The following CDK19 variants were observed in gnomAD, a reference collection of about 807,000 sequenced individuals.
CDK19 encodes the protein cyclin dependent kinase 19.
A neutral mutation model predicts 68.3 loss-of-function variants in CDK19; 20 were observed. The ratio of observed to expected loss-of-function variants is 0.29; its 90% CI spans 0.21 to 0.43. CDK19 has a LOEUF of 0.43. Among genes scored for constraint, CDK19 ranks in the 20% least tolerant of loss-of-function variants. The pLI, the probability that CDK19 is intolerant of heterozygous loss-of-function variation, is 1.00. For synonymous variants in CDK19, 221 were observed against 222.8 expected, an observed-to-expected ratio of 0.99 and a Z score of 0.07; for missense variants, 339 against 623.5, an observed-to-expected ratio of 0.54 and a Z score of 4.86.
At chr6:110,718,925 GA>G (rs1340570240) in intron 2 of CDK19, among the ~76,000 whole-genome samples, 1 of 152,076 alleles carries the variant, frequency 6.6e-6, no homozygotes, top group African/African-American at 2.4e-5. Flanking sequence ...TAAAATAATA[GA>G]AAGAAATAGC....
At chr6:110,632,739 C>T (rs893431164) in intron 5 of CDK19, among the ~76,000 whole-genome samples, 2 of 151,860 alleles carry the variant, frequency 1.3e-5, no homozygotes, top group African/African-American at 2.4e-5. Flanking sequence ...CCCTGTCCCC[C>T]AAGAAAGATA....
At chr6:110,774,696 T>C (rs1312849301) in intron 1 of CDK19, among the ~76,000 whole-genome samples, 2 of 152,182 alleles carry the variant, frequency 1.3e-5, no homozygotes, top group African/African-American at 4.8e-5. Context: ...ATGCCTGTAA[T>C]CCCATCACTT....
intron 1 of CDK19, among the ~76,000 whole-genome samples, chr6:110,761,022 G>A (rs1779192779): frequency 6.6e-6 from 1 of 152,172 alleles, no homozygotes; most frequent in African/African-American, 2.4e-5. Context: ...TCAAGTAGGG[G>A]AAAGCAAGTT....
At chr6:110,736,088 T>C (rs560292491) in intron 2 of CDK19, among the ~76,000 whole-genome samples, 1 of 152,316 alleles carries the variant, frequency 6.6e-6, no homozygotes, top group African/African-American at 2.4e-5. Context: ...ACGCCTGTAA[T>C]CCCAGCACTT....
chr6:110,621,001 C>T lies in CDK19; in HGVS notation c.1377+103G>A, dbSNP rs1778675452. The T allele has an allele frequency of 1.8e-6, 2 of 1,092,674 alleles. No homozygotes were observed. Among genetic ancestry groups the T allele is most frequent in the African/African-American group, 1.6e-5 (1 of 63,716 alleles). 67.7% of individuals were successfully genotyped at this position (1,092,674 alleles called of 1,614,324 possible). ...AGAATGCCCTAGAAACAGGATTGCA[C>T]AGTCAAATGTAAGAGTTAAGTGTTA... is the stretch of plus-strand genomic sequence containing the variant. On this transcript the variant is annotated intron_variant, in intron 12 of 12. Coordinates refer to ENST00000368911, the MANE Select transcript of CDK19 (RefSeq NM_015076.5). This position sits in a 1 kb window ranked among gnomAD's most constrained non-coding sequence, Gnocchi z 5.4.
At chr6:110,754,326 C>A (rs1374192239) in intron 1 of CDK19, among the ~76,000 whole-genome samples, 1 of 152,042 alleles carries the variant, frequency 6.6e-6, no homozygotes, top group Non-Finnish European at 1.5e-5. Context: ...AGACATCGCA[C>A]CTGGCCTAAA....
chr6:110,629,648 C>T (rs1451338767), intron 6 of CDK19, among the ~76,000 whole-genome samples: 1 of 152,158 alleles, frequency 6.6e-6, no homozygotes, highest in Non-Finnish European at 1.5e-5. Context: ...GGCACCTTGC[C>T]CGGCCCTAAG....
intron 2 of CDK19, among the ~76,000 whole-genome samples, chr6:110,715,216 T>TG (rs1261948467): frequency 3.9e-5 from 6 of 152,178 alleles, no homozygotes; most frequent in Non-Finnish European, 8.8e-5. Flanking sequence ...CATCTTATAA[T>TG]GCTCTCTAGG....
At chr6:110,810,770 T>A (rs1225773319) in intron 1 of CDK19, among the ~76,000 whole-genome samples, 6 of 145,682 alleles carry the variant, frequency 4.1e-5, no homozygotes, top group Non-Finnish European at 7.5e-5. Context: ...GCAAACTCCA[T>A]CTCAAAAAAA....
At chr6:110,743,374 AC>A (rs1777821398) in intron 2 of CDK19, among the ~76,000 whole-genome samples, 1 of 152,084 alleles carries the variant, frequency 6.6e-6, no homozygotes, top group Non-Finnish European at 1.5e-5. Flanking sequence ...GAGAGTGGTG[AC>A]TCATGCCTGT....
rs191759520 is a variant in CDK19, at chr6:110,613,480, A to G, written c.*1055T>C. 62 of 152,754 alleles carry G rather than the reference A, an allele frequency of 4.1e-4. No individual in the cohort carries two copies. The highest frequency in any genetic ancestry group is 1.3e-3 in the African/African-American group (55 of 41,588). The allele number at this position is 152,754 out of a possible 1,614,324, so 9.5% of individuals were successfully genotyped here. ...AATGGAGAACACTGCTCTTTATTTT[A>G]AAAGCAGATTAATTTTCAGGCTTCT... On this transcript the variant is annotated 3_prime_UTR_variant, in exon 13 of 13. Coordinates refer to ENST00000368911, the MANE Select transcript of CDK19 (RefSeq NM_015076.5).
chr6:110,745,779 C>T (rs1299312941), intron 2 of CDK19, among the ~76,000 whole-genome samples: 1 of 151,922 alleles, frequency 6.6e-6, no homozygotes, highest in Admixed American at 6.6e-5. Context: ...CCAACCTAGG[C>T]AACACAAGGA....
At chr6:110,814,764 CCTCTGGGACGGGACCGACGCCT>C in intron 1 of CDK19, 1 of 658,738 alleles carries the variant, frequency 1.5e-6, no homozygotes, top group South Asian at 1.5e-5. Flanking sequence ...GGAGGGCGCC[CCTCTGGGACGGGACCGACGCCT>C]CGGACCGGGC....
intron 1 of CDK19, among the ~76,000 whole-genome samples, chr6:110,809,711 G>C (rs1782937510): frequency 6.6e-6 from 1 of 152,126 alleles, no homozygotes; most frequent in Admixed American, 6.5e-5. Flanking sequence ...AAAGGAATTT[G>C]GTCTGCTTTT....
intron 2 of CDK19, among the ~76,000 whole-genome samples, chr6:110,677,589 A>AG: frequency 1.3e-5 from 2 of 149,188 alleles, no homozygotes; most frequent in East Asian, 3.9e-4. Flanking sequence ...AAAAAAAAAA[A>AG]GGAAGAAGAA....
intron 2 of CDK19, among the ~76,000 whole-genome samples, chr6:110,708,249 C>T (rs538506647): frequency 6.6e-6 from 1 of 152,224 alleles, no homozygotes; most frequent in South Asian, 2.1e-4. Context: ...GGTGCTGGTC[C>T]ACACTGTTCC....
At chr6:110,676,617 C>T (rs1771562003) in intron 2 of CDK19, among the ~76,000 whole-genome samples, 1 of 152,224 alleles carries the variant, frequency 6.6e-6, no homozygotes, top group African/African-American at 2.4e-5. Context: ...GCCATCAATA[C>T]TGAGGCAAGA....
intron 9 of CDK19, 46 bp downstream of exon 9, chr6:110,623,244 G>C: frequency 6.7e-7 from 1 of 1,494,586 alleles, no homozygotes; most frequent in Non-Finnish European, 9.3e-7. Flanking sequence ...TAGAAGGCGA[G>C]ATTTGTGCTG....
chr6:110,655,746 C>G (rs928891853), intron 4 of CDK19, among the ~76,000 whole-genome samples: 8 of 152,166 alleles, frequency 5.3e-5, no homozygotes, highest in Admixed American at 5.2e-4. Context: ...TCTCCACCAG[C>G]TGACTTCAAC....
Sources: allele counts gnomAD v4.1 joint callset (sites outside exome capture counted in the v4.1 genomes callset), GRCh38; gene constraint gnomAD v4.1.1; non-coding constraint Gnocchi (gnomAD v3.1); transcripts MANE v1.5; gene names NCBI Gene and HGNC (gene_info 2026-07-23, HGNC 2026-07-21).